The following CLUAP1 variants were observed in gnomAD, a reference collection of about 807,000 sequenced individuals.
CLUAP1 encodes the protein intraflagellar transport 38, also known as clusterin-associated protein 1.
CLUAP1 carries 50 observed loss-of-function variants against 55.0 expected under a neutral mutation model. The observed-to-expected ratio is 0.91, with a 90% CI of 0.72 to 1.15. The LOEUF (loss-of-function observed/expected upper bound fraction) is 1.15, where lower values mean the gene tolerates loss of function less well. Ranked by LOEUF, CLUAP1 falls within the 50% of genes most tolerant of loss-of-function variation. CLUAP1 has a pLI of 0.00. For synonymous variants in CLUAP1, 195 were observed against 175.4 expected (o/e 1.11, Z -0.88); for missense variants, 530 against 507.6 (o/e 1.04, Z -0.42).
chr16:3,536,098 G>A lies in CLUAP1; in HGVS notation c.1093-24G>A, dbSNP rs372087595. 1.6e-5 allele frequency: 26 copies of A among 1,612,262 alleles called. No homozygotes were observed. The African/African-American group carries it at 3.2e-4, about 20-fold the overall frequency. On this transcript the variant is annotated intron_variant, in intron 11 of 11. Transcript: ENST00000576634. The stretch of plus-strand genomic sequence containing the variant: ...CAGGAATGAGGCAGGATCCCCCGTT[G>A]CATCTGCCATTTTTTTCCTATAGGA...
At chr16:3,517,412 T>G (rs1234558319) in intron 6 of CLUAP1, among the ~76,000 whole-genome samples, 1 of 152,166 alleles carries the variant, frequency 6.6e-6, no homozygotes, top group Non-Finnish European at 1.5e-5. Flanking sequence ...GTTCGAGCAA[T>G]TCTCGTGCCT....
intron 6 of CLUAP1, among the ~76,000 whole-genome samples, chr16:3,518,379 T>G (rs2037769099): frequency 1.3e-5 from 2 of 152,226 alleles, no homozygotes; most frequent in Non-Finnish European, 2.9e-5. Context: ...CTTTCATTGT[T>G]AGAAAATATC....
rs903925674 is a variant in CLUAP1 at position 3,512,342 on chromosome 16, A to T, written c.400-41A>T. 3 of 1,488,846 alleles carry T rather than the reference A, an allele frequency of 2.0e-6. No individual in the cohort carries two copies. The East Asian group carries it at 6.8e-5, about 34-fold the overall frequency. The allele number at this position is 1,488,846 out of a possible 1,614,324, so 92.2% of individuals were successfully genotyped here. A position where few individuals can be genotyped will look rare whatever the true frequency, so the allele number is the denominator to read the frequency against. On this transcript the variant is annotated intron_variant, in intron 4 of 11. Coordinates refer to ENST00000576634, the MANE Select transcript of CLUAP1 (RefSeq NM_015041.3). Reference sequence around the variant, plus strand: ...CAAGACCCTGTCTCTATTAAAAAACATCTGTTGCTGAGGTTTCTGTTTTTG... The same window carrying T: ...CAAGACCCTGTCTCTATTAAAAAACTTCTGTTGCTGAGGTTTCTGTTTTTG...
At chr16:3,503,066 C>T (rs1220971613) in intron 1 of CLUAP1, among the ~76,000 whole-genome samples, 1 of 152,212 alleles carries the variant, frequency 6.6e-6, no homozygotes, top group African/African-American at 2.4e-5. Flanking sequence ...ACTGCAACCT[C>T]TGCCTCCCAG....
chr16:3,526,320 A>G (rs1182392493), intron 8 of CLUAP1, 92 bp from the exon 9 acceptor site: 14 of 729,528 alleles, frequency 1.9e-5, no homozygotes. Flanking sequence ...GTTCTGTAGC[A>G]CAAACTTAGC....
chr16:3,506,461 G>A, intron 3 of CLUAP1, 46 bp downstream of exon 3: 1 of 1,436,814 alleles, frequency 7.0e-7, no homozygotes, highest in Non-Finnish European at 9.8e-7. Flanking sequence ...AAATAAACTA[G>A]AAAGGATGAC....
intron 4 of CLUAP1, 30 bp downstream of exon 4, chr16:3,508,498 G>A (rs188218609): frequency 1.5e-5 from 22 of 1,510,206 alleles, no homozygotes; most frequent in Middle Eastern, 1.8e-4. Flanking sequence ...TGTAGTGGGC[G>A]ATGGAGCGTT....
chr16:3,504,446 A>T (rs1392991292), intron 1 of CLUAP1, among the ~76,000 whole-genome samples: 1 of 152,230 alleles, frequency 6.6e-6, no homozygotes, highest in African/African-American at 2.4e-5. Context: ...TGAGATACTA[A>T]AGAGAGAAAT....
chr16:3,505,009 C>G (rs566259485), intron 2 of CLUAP1, among the ~76,000 whole-genome samples, 178 bp downstream of exon 2: 93 of 152,300 alleles, frequency 6.1e-4, no homozygotes, highest in African/African-American at 2.1e-3. Context: ...CTGCTCTCAT[C>G]CCAGCACTTC....
chr16:3,535,568 T>C (rs983917399), intron 11 of CLUAP1: 3 of 152,746 alleles, frequency 2.0e-5, no homozygotes, highest in East Asian at 3.9e-4. Context: ...CTCCCTTTTT[T>C]TCTTTTTTTT....
intron 6 of CLUAP1, among the ~76,000 whole-genome samples, chr16:3,519,698 AAG>A (rs1434033210): frequency 1.3e-5 from 2 of 152,180 alleles, no homozygotes; most frequent in African/African-American, 4.8e-5. Flanking sequence ...GGGAAAAAAA[AAG>A]AGATACCTTT....
chr16:3,532,059 G>A (rs1373954417), intron 10 of CLUAP1, among the ~76,000 whole-genome samples: 2 of 151,874 alleles, frequency 1.3e-5, no homozygotes, highest in Non-Finnish European at 2.9e-5. Context: ...GGCTGGTCTC[G>A]AACTCCCAAC....
chr16:3,532,993 C>T, intron 11 of CLUAP1, 152 bp downstream of exon 11: 1 of 1,337,616 alleles, frequency 7.5e-7, no homozygotes, highest in African/African-American at 1.4e-5. Context: ...CCTCATGAGG[C>T]TCTGGACTCT....
chr16:3,536,944 C>G lies in CLUAP1; in HGVS notation c.*673C>G, dbSNP rs1351743348. ...CCATTTTCTGTCCGAAGCTGACATT[C>G]CTCTGGCAGTCCAGTTCACCTTGGA... is the stretch of plus-strand genomic sequence containing the variant. On this transcript the variant is annotated 3_prime_UTR_variant, in exon 12 of 12. Coordinates refer to ENST00000576634, the MANE Select transcript of CLUAP1 (RefSeq NM_015041.3). 1 of 152,148 alleles carries G rather than the reference C, an allele frequency of 6.6e-6. No individual in the cohort carries two copies. Among genetic ancestry groups the G allele is most frequent in the Admixed American group, 6.5e-5 (1 of 15,286 alleles). 9.4% of individuals were successfully genotyped at this position (152,148 alleles called of 1,614,324 possible).
chr16:3,500,801 A>G (rs1181799836), upstream of CLUAP1: 1 of 547,368 alleles, frequency 1.8e-6, no homozygotes, highest in Admixed American at 3.3e-5. Flanking sequence ...GCGTGTAAAC[A>G]GACGCCCAGA....
intron 5 of CLUAP1, among the ~76,000 whole-genome samples, chr16:3,512,957 G>T (rs571411682): frequency 6.6e-6 from 1 of 152,190 alleles, no homozygotes. Context: ...TGGGATTACC[G>T]GTGTGAGCCA....
upstream of CLUAP1, chr16:3,496,072 C>A: frequency 3.0e-6 from 1 of 329,254 alleles, no homozygotes; most frequent in Non-Finnish European, 5.9e-6. Context: ...ACCCGGGAGG[C>A]GAAGCTTGCA....
At chr16:3,502,442 T>TAA (rs74268721) in intron 1 of CLUAP1, among the ~76,000 whole-genome samples, 8 of 129,968 alleles carry the variant, frequency 6.2e-5, no homozygotes, top group South Asian at 4.9e-4. Context: ...AGACTGTCTT[T>TAA]AAAAAAAAAA....
chr16:3,500,176 C>G (rs2037359897), upstream of CLUAP1, among the ~76,000 whole-genome samples: 1 of 152,178 alleles, frequency 6.6e-6, no homozygotes, highest in African/African-American at 2.4e-5. Flanking sequence ...CCGGGACCCG[C>G]GCGGCGCGAG....
Sources: gnomAD v4.1 joint callset for allele counts (sites outside exome capture counted in the v4.1 genomes callset) on GRCh38, gnomAD v4.1.1 for gene constraint, MANE v1.5 for transcripts, NCBI Gene and HGNC (gene_info 2026-07-23, HGNC 2026-07-21) for gene names.